Variants in PPM1H observed in about 807,000 individuals in gnomAD.
PPM1H encodes the protein protein phosphatase 1H.
PPM1H carries 27 observed loss-of-function variants against 54.9 expected under a neutral mutation model. The ratio of observed to expected loss-of-function variants is 0.49; its 90% CI spans 0.36 to 0.68. The LOEUF is 0.68. Ranked by LOEUF, PPM1H falls within the 30% of genes least tolerant of loss-of-function variation. PPM1H has a pLI of 0.00. For missense variants in PPM1H, 596 were observed against 667.8 expected (o/e 0.89, Z 1.19); for synonymous variants, 305 against 270.8 (o/e 1.13, Z -1.24).
chr12:62,932,961 A>C (rs1343834701), intron 1 of PPM1H, among the ~76,000 whole-genome samples: 1 of 151,186 alleles, frequency 6.6e-6, no homozygotes, highest in Non-Finnish European at 1.5e-5. Context: ...TAACGTTTTT[A>C]TTTCAGTCAA....
chr12:62,774,915 C>G (rs1040755503), intron 4 of PPM1H, among the ~76,000 whole-genome samples: 25 of 152,170 alleles, frequency 1.6e-4, no homozygotes, highest in African/African-American at 4.3e-4. Flanking sequence ...CGCCGGCTAT[C>G]TGTGGGAACT....
intron 1 of PPM1H, among the ~76,000 whole-genome samples, chr12:62,919,709 C>G (rs904641602): frequency 6.6e-6 from 1 of 151,986 alleles, no homozygotes; most frequent in African/African-American, 2.4e-5. Flanking sequence ...GGTTGGGAAC[C>G]AGGACTTGAG....
At chr12:62,683,066 ATTATTAT>A (rs1264570116) in intron 8 of PPM1H, among the ~76,000 whole-genome samples, 2 of 142,112 alleles carry the variant, frequency 1.4e-5, no homozygotes, top group African/African-American at 5.4e-5. Context: ...TATTATTATT[ATTATTAT>A]TATTATTATT....
chr12:62,918,915 T>C (rs1871705945), intron 1 of PPM1H, among the ~76,000 whole-genome samples: 1 of 152,232 alleles, frequency 6.6e-6, no homozygotes, highest in African/African-American at 2.4e-5. Context: ...TTACAGGTGA[T>C]AGAATATATG....
chr12:62,775,452 G>A lies in PPM1H; in HGVS notation c.869+12774C>T, dbSNP rs545806608. On this transcript the variant is annotated intron_variant, in intron 4 of 9. Transcript: ENST00000228705. ...TTTGTGTAAGATTCTACCAGAAAGC[G>A]TACCAACAATGGACCCACTGCTTAA... Among the ~76,000 whole-genome samples the A allele has an allele frequency of 2.6e-5, 4 of 152,296 alleles. No individual in the cohort carries two copies. In the South Asian group the frequency reaches 6.2e-4, roughly 24 times the overall value.
intron 1 of PPM1H, among the ~76,000 whole-genome samples, chr12:62,895,263 G>C: frequency 6.6e-6 from 1 of 152,208 alleles, no homozygotes; most frequent in East Asian, 1.9e-4. Context: ...CAAGCCAATA[G>C]TCTCAGAAAG....
At chr12:62,904,203 C>A (rs1243535923) in intron 1 of PPM1H, among the ~76,000 whole-genome samples, 3 of 151,980 alleles carry the variant, frequency 2.0e-5, no homozygotes, top group African/African-American at 7.3e-5. Flanking sequence ...AAAAGGCCCA[C>A]AAACAGAGCT....
At chr12:62,702,743 A>G (rs2076151434) in intron 6 of PPM1H, among the ~76,000 whole-genome samples, 1 of 152,162 alleles carries the variant, frequency 6.6e-6, no homozygotes, top group Non-Finnish European at 1.5e-5. Flanking sequence ...TGCAGCTCCA[A>G]TGACACACAC....
chr12:62,910,583 G>A (rs1423914008), intron 1 of PPM1H, among the ~76,000 whole-genome samples: 2 of 152,080 alleles, frequency 1.3e-5, no homozygotes, highest in Admixed American at 6.5e-5. Context: ...ACAATTTTTA[G>A]AGAAAATTCC....
At chr12:62,755,172 TGACAGACAGCC>T in intron 4 of PPM1H, 1 of 556,998 alleles carries the variant, frequency 1.8e-6, no homozygotes, top group Non-Finnish European at 3.3e-6. Context: ...TCCTCCCATT[TGACAGACAGCC>T]GCCTCTTCTC....
chr12:62,675,457 A>G lies in PPM1H; in HGVS notation c.1246-8128T>C, dbSNP rs189624393. On this transcript the variant is annotated intron_variant, in intron 8 of 9. Transcript: ENST00000228705. ...ATAGCTCAATAATTATTTGAAGAAT[A>G]AGTCTATCTTCACAAAAATGCCCAT... Among the ~76,000 whole-genome samples, 118 of 151,882 alleles carry G rather than the reference A, an allele frequency of 7.8e-4. 1 individual carries two copies. In the South Asian group the frequency reaches 0.02, roughly 25 times the overall value.
chr12:62,818,821 CTTTTT>C, intron 2 of PPM1H, among the ~76,000 whole-genome samples: 1 of 135,812 alleles, frequency 7.4e-6, no homozygotes, highest in African/African-American at 2.7e-5. Flanking sequence ...TTTTCTTTTT[CTTTTT>C]TTTTTTTTTT....
At chr12:62,735,406 C>A (rs547183054) in intron 5 of PPM1H, among the ~76,000 whole-genome samples, 66 of 151,910 alleles carry the variant, frequency 4.3e-4, no homozygotes, top group Non-Finnish European at 8.1e-4. Context: ...TTTGTAGAGA[C>A]AGCATTTTGC....
chr12:62,659,794 C>T (rs2075872626), intron 9 of PPM1H, among the ~76,000 whole-genome samples: 1 of 152,170 alleles, frequency 6.6e-6, no homozygotes, highest in African/African-American at 2.4e-5. Flanking sequence ...CCACTCAAAA[C>T]CTCAGATGCA....
intron 4 of PPM1H, among the ~76,000 whole-genome samples, chr12:62,745,346 G>A (rs1481715849): frequency 6.6e-6 from 1 of 152,112 alleles, no homozygotes; most frequent in African/African-American, 2.4e-5. Flanking sequence ...ACAGGCATGA[G>A]CCACCGCACC....
At chr12:62,921,228 C>A (rs2019497) in intron 1 of PPM1H, among the ~76,000 whole-genome samples, 9,032 of 152,124 alleles carry the variant, frequency 0.059, 571 homozygotes, top group East Asian at 0.25. Context: ...CACGCCCGTT[C>A]ATATTTTCAT....
chr12:62,883,202 A>C (rs1870458523), intron 1 of PPM1H, among the ~76,000 whole-genome samples: 1 of 152,106 alleles, frequency 6.6e-6, no homozygotes, highest in South Asian at 2.1e-4. Context: ...CACCTCTCAG[A>C]CATACAAGGG....
At chr12:62,798,008 G>C (rs1400783034) in intron 3 of PPM1H, among the ~76,000 whole-genome samples, 1 of 152,136 alleles carries the variant, frequency 6.6e-6, no homozygotes, top group African/African-American at 2.4e-5. Context: ...ACCAAAGAAT[G>C]GTGAGCTTCT....
At position 62,725,511 on chromosome 12, in the gene PPM1H, C is replaced by T. The variant is rs368072103; in HGVS notation, c.955-5222G>A. 5.3e-5 allele frequency among the ~76,000 whole-genome samples: 8 copies of T among 152,190 alleles called. No individual in the cohort carries two copies. The East Asian group carries it at 1.2e-3, about 22-fold the overall frequency. ...CCCAGTTTATTCCCATTAGATCACA[C>T]CCACTTTATCCAATTATATTTCTCC... On this transcript the variant is annotated intron_variant, in intron 5 of 9. Coordinates refer to ENST00000228705, the MANE Select transcript of PPM1H (RefSeq NM_020700.2).
Sources: allele counts gnomAD v4.1 joint callset (sites outside exome capture counted in the v4.1 genomes callset), GRCh38; gene constraint gnomAD v4.1.1; transcripts MANE v1.5; gene names NCBI Gene and HGNC (gene_info 2026-07-23, HGNC 2026-07-21).